ROCK2: variants seen among roughly 807,000 people sequenced by gnomAD.
ROCK2 encodes rho-associated protein kinase 2.
A neutral mutation model predicts 195.1 loss-of-function variants in ROCK2; 61 were observed. The ratio of observed to expected loss-of-function variants is 0.31; its 90% confidence interval spans 0.25 to 0.39. ROCK2 has a LOEUF of 0.39. ROCK2 is among the 10% of genes least tolerant of loss of function. The pLI is 1.00. For synonymous variants in ROCK2, 504 were observed against 545.5 expected (o/e 0.92, Z 1.06); for missense variants, 1,109 against 1,637.4 (o/e 0.68, Z 5.57).
At chr2:11,292,177 T>C (rs1467779303) in intron 1 of ROCK2, among the ~76,000 whole-genome samples, 2 of 152,194 alleles carry the variant, frequency 1.3e-5, no homozygotes, top group African/African-American at 4.8e-5. Context: ...TCCATATTCA[T>C]AGACTGTAAA....
At chr2:11,195,318 CA>C (rs35881542) in intron 27 of ROCK2, 65,813 of 137,824 alleles carry the variant, frequency 0.48, 15,279 homozygotes, top group Admixed American at 0.57. Context: ...GAAAAGTTGC[CA>C]AAAAAAAAAA....
At chr2:11,243,205 T>G (rs1665490459) in intron 4 of ROCK2, among the ~76,000 whole-genome samples, 1 of 152,212 alleles carries the variant, frequency 6.6e-6, no homozygotes, top group Admixed American at 6.5e-5. Flanking sequence ...TAAAAGACAT[T>G]ACTGGGACAA....
At chr2:11,209,564 T>C (rs1235255321) in intron 18 of ROCK2, among the ~76,000 whole-genome samples, 1 of 152,206 alleles carries the variant, frequency 6.6e-6, no homozygotes, top group African/African-American at 2.4e-5. Context: ...TCTTTATACT[T>C]TCCTGTGTTT....
At chr2:11,185,067 C>A (rs1366182598) in intron 32 of ROCK2, among the ~76,000 whole-genome samples, 1 of 152,174 alleles carries the variant, frequency 6.6e-6, no homozygotes, top group Non-Finnish European at 1.5e-5. Flanking sequence ...CAGATAAACA[C>A]ATAACCATCC....
Position 11,215,052 on chromosome 2 carries a change from G to T in ROCK2, c.1724C>A (p.Ser575Tyr). The change falls in exon 16 of 33, where the codon TCT (serine) becomes TAT (tyrosine). Residue 575 changes from serine to tyrosine, a missense_variant. This residue lies in a region of ROCK2 where 542 missense variants were observed against 672.0 expected (regional missense o/e 0.81). Transcript: ENST00000315872. ...TTTCCTTAACCGGGCTGCAGTATCA[G>T]ACTCTGTTCGCAGTAAAGCATTGGT... ...DETNALLRTE[S>Y]DTAARLRKTQ... The T allele has an allele frequency of 6.2e-7, 1 of 1,614,072 alleles. No homozygotes were observed. Among genetic ancestry groups the T allele is most frequent in the Non-Finnish European group, 8.5e-7 (1 of 1,179,998 alleles).
chr2:11,197,060 G>GTAGGT lies in ROCK2; in HGVS notation c.3448+115_3448+119dup. On this transcript the variant is annotated intron_variant, in intron 27 of 32. Coordinates refer to ENST00000315872, the MANE Select transcript of ROCK2 (RefSeq NM_004850.5). This position sits in a 1 kb window ranked among gnomAD's most constrained non-coding sequence, Gnocchi z 4.9. ...GTTACTTGAATCCTTACTCCAAGGA[G>GTAGGT]TAGGTTTTCCCTTAAAGAAATTACA... is the stretch of plus-strand genomic sequence containing the variant. The GTAGGT allele has an allele frequency of 1.8e-6, 1 of 553,252 alleles. No individual in the cohort carries two copies. The highest frequency in any genetic ancestry group is 3.0e-6 in the Non-Finnish European group (1 of 336,338). 34.3% of individuals were successfully genotyped at this position (553,252 alleles called of 1,614,324 possible). A position where few individuals can be genotyped will look rare whatever the true frequency, so the allele number is the denominator to read the frequency against.
intron 17 of ROCK2, among the ~76,000 whole-genome samples, 195 bp downstream of exon 17, chr2:11,214,162 T>C (rs1184056096): frequency 6.6e-6 from 1 of 152,180 alleles, no homozygotes; most frequent in African/African-American, 2.4e-5. Flanking sequence ...GCAACCAGCA[T>C]GCTGAGGGCT....
chr2:11,242,530 G>C (rs1205769237), intron 4 of ROCK2, among the ~76,000 whole-genome samples: 1 of 152,090 alleles, frequency 6.6e-6, no homozygotes, highest in African/African-American at 2.4e-5. Context: ...GCTGGAATTT[G>C]AGGAAACCAA....
At chr2:11,272,672 G>C (rs1666680128) in intron 3 of ROCK2, among the ~76,000 whole-genome samples, 2 of 151,980 alleles carry the variant, frequency 1.3e-5, no homozygotes, top group Admixed American at 1.3e-4. Context: ...TTGAGGTCAG[G>C]AGTTTGAGAC....
intron 1 of ROCK2, among the ~76,000 whole-genome samples, chr2:11,341,507 C>T (rs998090327): frequency 1.3e-5 from 2 of 152,136 alleles, no homozygotes; most frequent in Admixed American, 6.6e-5. Context: ...ACTTTGTTTC[C>T]TACAGAGTTT....
chr2:11,206,640 G>C (rs1664061503), intron 20 of ROCK2, among the ~76,000 whole-genome samples: 1 of 152,154 alleles, frequency 6.6e-6, no homozygotes, highest in Non-Finnish European at 1.5e-5. Context: ...TTCTTAGATA[G>C]CATCAGTCTT....
chr2:11,290,138 C>T (rs1667315356), intron 1 of ROCK2, among the ~76,000 whole-genome samples: 1 of 152,074 alleles, frequency 6.6e-6, no homozygotes, highest in Admixed American at 6.5e-5. Flanking sequence ...TTTCAGATAA[C>T]AGTGTTTTAA....
At chr2:11,262,892 A>G (rs1037053161) in intron 3 of ROCK2, among the ~76,000 whole-genome samples, 1 of 152,152 alleles carries the variant, frequency 6.6e-6, no homozygotes, top group Non-Finnish European at 1.5e-5. Flanking sequence ...TATTTTTATT[A>G]ACAAAAATAT....
intron 1 of ROCK2, among the ~76,000 whole-genome samples, chr2:11,295,989 A>AGAGAGAGAGAGAGG (rs1329784247): frequency 8.5e-5 from 2 of 23,434 alleles, no homozygotes; most frequent in Non-Finnish European, 1.1e-4. Flanking sequence ...AGAGAGAGAG[A>AGAGAGAGAGAGAGG]GGAGAGAGAG....
chr2:11,189,517 T>A (rs776946642), intron 32 of ROCK2, among the ~76,000 whole-genome samples: 3 of 152,216 alleles, frequency 2.0e-5, no homozygotes, highest in Non-Finnish European at 4.4e-5. Context: ...TCTTTAACTG[T>A]TTAGTGCTAT....
intron 3 of ROCK2, among the ~76,000 whole-genome samples, chr2:11,276,708 CTAACA>C (rs1666838993): frequency 6.6e-6 from 1 of 152,108 alleles, no homozygotes; most frequent in Non-Finnish European, 1.5e-5. Flanking sequence ...CTTAACTGAT[CTAACA>C]AATAAATTTG....
intron 3 of ROCK2, among the ~76,000 whole-genome samples, chr2:11,282,500 G>A (rs1415205095): frequency 2.7e-5 from 4 of 150,814 alleles, no homozygotes; most frequent in African/African-American, 9.8e-5. Context: ...AGAATAGAGA[G>A]CCCAGAAATA....
At chr2:11,287,631 A>T (rs180843947) in intron 2 of ROCK2, 24 bp downstream of exon 2, 6 of 718,604 alleles carry the variant, frequency 8.3e-6, no homozygotes, top group Non-Finnish European at 1.3e-5. Flanking sequence ...TATAAGATCA[A>T]ATATGAAGTT....
intron 3 of ROCK2, among the ~76,000 whole-genome samples, chr2:11,252,374 G>A (rs1215440495): frequency 2.0e-5 from 3 of 150,346 alleles, no homozygotes; most frequent in African/African-American, 7.4e-5. Context: ...TCACGCCATT[G>A]CACTCCAGCC....
Sources: allele counts gnomAD v4.1 joint callset (sites outside exome capture counted in the v4.1 genomes callset), GRCh38; gene constraint gnomAD v4.1.1; regional missense constraint gnomAD v4.1.1; non-coding constraint Gnocchi (gnomAD v3.1); transcripts MANE v1.5; gene names NCBI Gene and HGNC (gene_info 2026-07-23, HGNC 2026-07-21).